Variants in CHKA observed in about 807,000 individuals in gnomAD.
The protein encoded by CHKA is choline kinase alpha.
In CHKA, 34 loss-of-function variants were observed where a neutral mutation model predicts 60.1. The observed-to-expected ratio is 0.57, with a 90% CI of 0.43 to 0.75. The LOEUF is 0.75. Among genes scored for constraint, CHKA ranks in the 30% least tolerant of loss-of-function variants. The pLI, the probability that CHKA is intolerant of heterozygous loss-of-function variation, is 0.00. For missense variants in CHKA, 563 were observed against 561.3 expected (o/e 1.00, Z -0.03); for synonymous variants, 217 against 223.1 (o/e 0.97, Z 0.24).
At chr11:68,084,329 C>CATAT (rs1463671770) in intron 2 of CHKA, among the ~76,000 whole-genome samples, 119 of 136,942 alleles carry the variant, frequency 8.7e-4, no homozygotes, top group African/African-American at 3.0e-3. Flanking sequence ...TATATATACA[C>CATAT]ATATACGTAT....
At chr11:68,086,215 G>A (rs1195644089) in intron 2 of CHKA, among the ~76,000 whole-genome samples, 1 of 152,044 alleles carries the variant, frequency 6.6e-6, no homozygotes, top group Non-Finnish European at 1.5e-5. Context: ...TCGGGAAGCT[G>A]AGGCAGGAGA....
intron 10 of CHKA, among the ~76,000 whole-genome samples, chr11:68,062,771 G>GT (rs1017367356): frequency 6.6e-6 from 1 of 152,094 alleles, no homozygotes; most frequent in Non-Finnish European, 1.5e-5. Flanking sequence ...TCCTCCATCT[G>GT]TTTTTTTCTA....
intron 2 of CHKA, among the ~76,000 whole-genome samples, chr11:68,086,707 G>C (rs1056478006): frequency 1.3e-5 from 2 of 152,224 alleles, no homozygotes; most frequent in African/African-American, 4.8e-5. Flanking sequence ...ATGTCATTTG[G>C]CTGGGCGTGG....
At chr11:68,081,316 T>C (rs1466282815) in intron 3 of CHKA, 88 bp downstream of exon 3, 2 of 1,026,508 alleles carry the variant, frequency 1.9e-6, no homozygotes, top group African/African-American at 3.2e-5. Flanking sequence ...CAAGGGTAGA[T>C]AAGAGGCACT....
chr11:68,121,092 G>A lies in CHKA; in HGVS notation c.86C>T (p.Pro29Leu). 1.8e-6 allele frequency: 2 copies of A among 1,140,938 alleles called. No individual in the cohort carries two copies. Among genetic ancestry groups the A allele is most frequent in the Non-Finnish European group, 2.2e-6 (2 of 929,994 alleles). The allele number at this position is 1,140,938 out of a possible 1,614,324, so 70.7% of individuals were successfully genotyped here. A position where few individuals can be genotyped will look rare whatever the true frequency, so the allele number is the denominator to read the frequency against. Reference sequence around the variant, plus strand: ...GCGCTGCTGCCCCACGCCGGGCGCCGGGGCCGCGCTGCCGCTACCGCAGCT... The same window carrying A: ...GCGCTGCTGCCCCACGCCGGGCGCCAGGGCCGCGCTGCCGCTACCGCAGCT... ...LLSCGSGSAA[P>L]APGVGQQRDA... The change falls in exon 1 of 12, where the codon CCG becomes CTG. Residue 29 changes from proline (P) to leucine (L), a missense_variant. Coordinates refer to ENST00000265689, the MANE Select transcript of CHKA (RefSeq NM_001277.3).
intron 1 of CHKA, among the ~76,000 whole-genome samples, chr11:68,112,045 C>A (rs1333977328): frequency 8.1e-6 from 1 of 123,838 alleles, no homozygotes; most frequent in Non-Finnish European, 1.7e-5. Context: ...AACAGCAAAA[C>A]TCCGTCTCAA....
Position 68,081,627 on chromosome 11 carries a change from C to A in CHKA, c.463-170G>T, listed in dbSNP as rs755991149. Reference sequence around the variant, plus strand: ...CATCTAATGCACCAGCAGCCTCCAGCACTAGTACCAACACCTTAGAAAGTG... The same window carrying A: ...CATCTAATGCACCAGCAGCCTCCAGAACTAGTACCAACACCTTAGAAAGTG... On this transcript the variant is annotated intron_variant, in intron 2 of 11. Transcript: ENST00000265689. 329 of 578,580 alleles carry A rather than the reference C, an allele frequency of 5.7e-4. 1 individual carries two copies. The highest frequency in any genetic ancestry group is 8.1e-4 in the Non-Finnish European group (260 of 319,996). 35.8% of individuals were successfully genotyped at this position (578,580 alleles called of 1,614,324 possible). A position where few individuals can be genotyped will look rare whatever the true frequency, so the allele number is the denominator to read the frequency against.
At chr11:68,114,780 C>G (rs1382108042) in intron 1 of CHKA, among the ~76,000 whole-genome samples, 2 of 99,940 alleles carry the variant, frequency 2.0e-5, no homozygotes. Flanking sequence ...AAAAGCCAAA[C>G]TGAAAAGACT....
chr11:68,105,115 G>A (rs1004493334), intron 1 of CHKA, among the ~76,000 whole-genome samples: 1 of 150,490 alleles, frequency 6.6e-6, no homozygotes, highest in East Asian at 2.0e-4. Context: ...AAAAAAAAAA[G>A]AGATTATTTA....
chr11:68,105,514 C>CAAAAAAAAAAAA (rs1170085830), intron 1 of CHKA, among the ~76,000 whole-genome samples: 14 of 64,950 alleles, frequency 2.2e-4, no homozygotes, highest in Non-Finnish European at 2.5e-4. Flanking sequence ...GACTCCATCT[C>CAAAAAAAAAAAA]AAAAAAAAAA....
intron 2 of CHKA, among the ~76,000 whole-genome samples, chr11:68,094,974 A>G (rs1462069802): frequency 6.6e-6 from 1 of 152,168 alleles, no homozygotes; most frequent in Non-Finnish European, 1.5e-5. Flanking sequence ...ATTTCTAAAC[A>G]TATAATCAAA....
At chr11:68,107,080 C>A (rs575615663) in intron 1 of CHKA, among the ~76,000 whole-genome samples, 1 of 152,066 alleles carries the variant, frequency 6.6e-6, no homozygotes, top group African/African-American at 2.4e-5. Context: ...GGTGAAACCC[C>A]GTCTCTACTA....
At chr11:68,089,226 C>T (rs978737860) in intron 2 of CHKA, among the ~76,000 whole-genome samples, 3 of 152,160 alleles carry the variant, frequency 2.0e-5, no homozygotes, top group Non-Finnish European at 4.4e-5. Flanking sequence ...TCTAGGGCAA[C>T]CTGCTGACCC....
chr11:68,073,830 A>G (rs1470910451), intron 4 of CHKA, among the ~76,000 whole-genome samples: 3 of 152,176 alleles, frequency 2.0e-5, no homozygotes, highest in African/African-American at 7.2e-5. Flanking sequence ...CATGGATAAG[A>G]TATCTCATGC....
chr11:68,059,769 T>C (rs1358844638), intron 11 of CHKA, among the ~76,000 whole-genome samples: 1 of 152,224 alleles, frequency 6.6e-6, no homozygotes, highest in Middle Eastern at 3.2e-3. Context: ...TTCAATCCCT[T>C]TGAATTTATC....
intron 10 of CHKA, among the ~76,000 whole-genome samples, chr11:68,063,228 G>A (rs927460245): frequency 3.3e-5 from 5 of 152,192 alleles, no homozygotes; most frequent in Non-Finnish European, 4.4e-5. Flanking sequence ...GACAGATGCA[G>A]TAGCCCACAT....
intron 2 of CHKA, among the ~76,000 whole-genome samples, chr11:68,093,553 CT>C (rs968325172): frequency 2.6e-5 from 4 of 152,100 alleles, no homozygotes; most frequent in Non-Finnish European, 5.9e-5. Context: ...ACTTAATAGT[CT>C]TTTTTCTTAG....
chr11:68,072,168 C>T (rs1387794800), intron 4 of CHKA, among the ~76,000 whole-genome samples: 4 of 152,338 alleles, frequency 2.6e-5, no homozygotes, highest in Non-Finnish European at 5.9e-5. Context: ...CCTACTATCC[C>T]TAGTGGCCCG....
intron 1 of CHKA, among the ~76,000 whole-genome samples, chr11:68,101,193 C>A (rs1857706892): frequency 6.6e-6 from 1 of 152,018 alleles, no homozygotes; most frequent in Non-Finnish European, 1.5e-5. Context: ...CATGATCTAC[C>A]TGTCTCAGCC....
Sources: gnomAD v4.1 joint callset for allele counts (sites outside exome capture counted in the v4.1 genomes callset) on GRCh38, gnomAD v4.1.1 for gene constraint, MANE v1.5 for transcripts, NCBI Gene and HGNC (gene_info 2026-07-23, HGNC 2026-07-21) for gene names.